CHD2: variants seen among roughly 807,000 people sequenced by gnomAD.
CHD2 encodes ATP-dependent chromatin remodeler CHD2.
Under a neutral mutation model 243.9 loss-of-function variants are expected in CHD2, and 28 were observed. The observed-to-expected ratio is 0.11, with a 90% CI of 0.09 to 0.16. CHD2 has a LOEUF of 0.16. Among genes scored for constraint, CHD2 ranks in the 10% least tolerant of loss-of-function variants. The probability of loss-of-function intolerance (pLI) is 1.00; values close to 1 mark genes in which losing one functional copy is unlikely to be tolerated. For missense variants in CHD2, 1,386 were observed against 2,209.8 expected (o/e 0.63, Z 7.47); for synonymous variants, 775 against 779.0 (o/e 0.99, Z 0.09).
intron 37 of CHD2, among the ~76,000 whole-genome samples, chr15:93,017,373 A>C (rs551327667): frequency 2.7e-5 from 4 of 149,412 alleles, no homozygotes; most frequent in South Asian, 2.1e-4. Context: ...CCCAGGCTGG[A>C]GTGTAGCGGC....
chr15:93,008,777 G>A (rs184683546), intron 34 of CHD2, among the ~76,000 whole-genome samples: 43 of 152,240 alleles, frequency 2.8e-4, no homozygotes, highest in East Asian at 1.2e-3. Context: ...ATTATATCCC[G>A]TATTTTTAGA....
At position 92,924,403 on chromosome 15, in the gene CHD2, C is replaced by T. The variant is rs1352602877; in HGVS notation, c.145C>T (p.His49Tyr). The change falls in exon 3 of 39, where the codon CAT becomes TAT. Residue 49 changes from histidine to tyrosine, a missense_variant. This residue lies in a region of CHD2 where 89 missense variants were observed against 102.4 expected (regional missense o/e 0.87). Transcript: ENST00000394196. ...SEQGSDPGSGHGSESNSSSES... is the reference protein window; with the variant it reads ...SEQGSDPGSGYGSESNSSSES... ...GCAGGGAAGTGATCCAGGAAGTGGA[C>T]ATGGCAGCGAGTCGAACAGCAGCTC... 6.2e-7 allele frequency: 1 copy of T among 1,614,024 alleles called. No homozygotes were observed. The highest frequency in any genetic ancestry group is 1.3e-5 in the African/African-American group (1 of 74,906).
At position 92,980,885 on chromosome 15, in the gene CHD2, C is replaced by T; in HGVS notation, c.2947C>T (p.Leu983=). The T allele has an allele frequency of 1.9e-6, 3 of 1,613,312 alleles. No individual in the cohort carries two copies. The highest frequency in any genetic ancestry group is 2.5e-6 in the Non-Finnish European group (3 of 1,179,468). The change falls in exon 23 of 39, where the codon CTG becomes TTG. Residue 983 remains leucine (L), a synonymous_variant. Coordinates refer to ENST00000394196, the MANE Select transcript of CHD2 (RefSeq NM_001271.4). ...TGGAGCAGAGGATCTCTTCAAAGAACTGGAAGGGGAGGAATCAGAACCTCA... is the reference window on the plus strand; with the variant it reads ...TGGAGCAGAGGATCTCTTCAAAGAATTGGAAGGGGAGGAATCAGAACCTCA... ...KFGAEDLFKE[L]EGEESEPQEM... is the part of the protein sequence containing the mutation.
intron 17 of CHD2, among the ~76,000 whole-genome samples, chr15:92,967,897 T>C (rs1366049825): frequency 6.6e-6 from 1 of 152,162 alleles, no homozygotes; most frequent in Non-Finnish European, 1.5e-5. Context: ...TTCCTGGTTG[T>C]CATATACATG....
At position 92,985,582 on chromosome 15, in the gene CHD2, T is replaced by A. The variant is rs750356605; in HGVS notation, c.3322T>A (p.Ser1108Thr). The A allele has an allele frequency of 9.3e-6, 15 of 1,613,922 alleles. No homozygotes were observed. In the East Asian group the frequency reaches 3.3e-4, roughly 36 times the overall value. Reference protein sequence around the residue: ...SSASESETEDSDDDKKPKRRG... With the variant: ...SSASESETEDTDDDKKPKRRG... ...TGCTTCTGAGAGTGAAACGGAAGAC[T>A]CTGATGATGACAAGAAGCCAAAGCG... Residue 1108 changes from serine to threonine, a missense_variant, in exon 26 of 39, where the codon TCT (serine) becomes ACT (threonine). Transcript: ENST00000394196.
chr15:92,968,555 TAG>T (rs2053798009), intron 17 of CHD2, among the ~76,000 whole-genome samples: 2 of 152,190 alleles, frequency 1.3e-5, no homozygotes, highest in African/African-American at 4.8e-5. Flanking sequence ...GTTAATTCAT[TAG>T]AGAGTACAAA....
At chr15:93,008,039 C>A (rs2054343932) in intron 34 of CHD2, among the ~76,000 whole-genome samples, 1 of 152,176 alleles carries the variant, frequency 6.6e-6, no homozygotes, top group Non-Finnish European at 1.5e-5. Flanking sequence ...GCTTGATCTC[C>A]TTTGAAAGTT....
chr15:92,917,869 G>T (rs1461323847), intron 2 of CHD2, among the ~76,000 whole-genome samples: 1 of 152,176 alleles, frequency 6.6e-6, no homozygotes, highest in Admixed American at 6.5e-5. Flanking sequence ...TGACACAAAA[G>T]TGCTCCGTAA....
intron 7 of CHD2, among the ~76,000 whole-genome samples, chr15:92,941,573 A>G (rs994497379): frequency 1.3e-5 from 2 of 152,162 alleles, no homozygotes; most frequent in Admixed American, 6.5e-5. Context: ...TATCTTGCTT[A>G]TACAAATCAG....
At chr15:92,961,445 C>T (rs1243663206) in intron 16 of CHD2, among the ~76,000 whole-genome samples, 3 of 152,132 alleles carry the variant, frequency 2.0e-5, no homozygotes, top group Non-Finnish European at 4.4e-5. Flanking sequence ...CTGTCACCCA[C>T]GCTGAGTGCA....
chr15:92,986,664 A>G (rs1380381915), intron 26 of CHD2, among the ~76,000 whole-genome samples: 1 of 152,132 alleles, frequency 6.6e-6, no homozygotes. Flanking sequence ...AGTATGTTCT[A>G]TAGCTGTATT....
chr15:93,016,106 T>C (rs2054456972), intron 37 of CHD2, among the ~76,000 whole-genome samples: 1 of 152,230 alleles, frequency 6.6e-6, no homozygotes, highest in Non-Finnish European at 1.5e-5. Context: ...GTAATCATCC[T>C]AAGTGCCCAT....
chr15:92,989,007 T>C (rs961211609), intron 26 of CHD2, among the ~76,000 whole-genome samples: 37 of 151,038 alleles, frequency 2.4e-4, no homozygotes, highest in Non-Finnish European at 4.4e-5. Context: ...TTTTCCTATG[T>C]ATACTTCATA....
intron 6 of CHD2, 128 bp downstream of exon 6, chr15:92,937,753 CTG>C (rs1235761413): frequency 1.6e-6 from 1 of 644,564 alleles, no homozygotes; most frequent in East Asian, 3.0e-5. Flanking sequence ...TTTTAGATAT[CTG>C]TGGTTCACTT....
In CHD2 at chr15:92,971,798, C is replaced by T. The variant is rs1435898595; in HGVS notation, c.2223C>T (p.Ala741=). 4 of 1,613,008 alleles carry T rather than the reference C, an allele frequency of 2.5e-6. No homozygotes were observed. Among genetic ancestry groups the T allele is most frequent in the South Asian group, 1.1e-5 (1 of 90,874 alleles). The change falls in exon 18 of 39, where the codon GCC becomes GCT. Residue 741 remains alanine, a synonymous_variant. Transcript: ENST00000394196. ...TGACCAGGAATTACAAGGCTCTTGC[C>T]AAAGGAACAAGAGGCAGCACATCTG... is the stretch of plus-strand genomic sequence containing the variant. ...WILTRNYKAL[A]KGTRGSTSGF...
chr15:92,920,155 T>C (rs2052927064), intron 2 of CHD2, among the ~76,000 whole-genome samples: 1 of 152,212 alleles, frequency 6.6e-6, no homozygotes, highest in South Asian at 2.1e-4. Context: ...GCTTTTTTTT[T>C]TCCCCAGAAG....
chr15:93,020,234 G>A lies in CHD2; in HGVS notation c.5129G>A (p.Arg1710Gln), dbSNP rs762575438. 2.3e-5 allele frequency: 37 copies of A among 1,613,972 alleles called. No individual in the cohort carries two copies. The highest frequency in any genetic ancestry group is 2.7e-5 in the Non-Finnish European group (32 of 1,180,016). ...YDQYSSDRDH[R>Q]GHRDYYDRHH... The stretch of plus-strand genomic sequence containing the variant: ...CAGTACAGCAGTGACCGAGACCACC[G>A]GGGACACAGAGATTATTATGACAGG... The change falls in exon 38 of 39, where the codon CGG (arginine) becomes CAG (glutamine). Residue 1710 changes from arginine to glutamine, a missense_variant. Physicochemically the swap from Arg to Gln is conservative, Grantham distance 43 (BLOSUM62 1). This residue lies in a region of CHD2 where 347 missense variants were observed against 341.6 expected (regional missense o/e 1.02). Coordinates refer to ENST00000394196, the MANE Select transcript of CHD2 (RefSeq NM_001271.4).
chr15:92,969,521 C>G (rs2053812494), intron 17 of CHD2, among the ~76,000 whole-genome samples: 1 of 152,194 alleles, frequency 6.6e-6, no homozygotes. Flanking sequence ...TGGCCTCTTT[C>G]TGATGGTTTA....
At chr15:92,976,334 A>G (rs958994726) in intron 20 of CHD2, among the ~76,000 whole-genome samples, 6 of 152,206 alleles carry the variant, frequency 3.9e-5, no homozygotes, top group African/African-American at 1.4e-4. Context: ...ACAAAATATT[A>G]TATGCTTACT....
Sources: allele counts gnomAD v4.1 joint callset (sites outside exome capture counted in the v4.1 genomes callset), GRCh38; gene constraint gnomAD v4.1.1; regional missense constraint gnomAD v4.1.1; transcripts MANE v1.5; gene names NCBI Gene and HGNC (gene_info 2026-07-23, HGNC 2026-07-21).